Variants in PAIP1 observed in about 807,000 individuals in gnomAD.
PAIP1 encodes poly(A) binding protein interacting protein 1.
In PAIP1, 16 loss-of-function variants were observed where a neutral mutation model predicts 61.3. That is an observed-to-expected ratio of 0.26 (90% CI 0.18 to 0.40). The LOEUF is 0.40. Ranked by LOEUF, PAIP1 falls within the 10% of genes least tolerant of loss-of-function variation. The probability of loss-of-function intolerance (pLI) is 1.00; values close to 1 mark genes in which losing one functional copy is unlikely to be tolerated. For synonymous variants in PAIP1, 187 were observed against 226.2 expected, an observed-to-expected ratio of 0.83 and a Z score of 1.56; for missense variants, 416 against 600.9, an observed-to-expected ratio of 0.69 and a Z score of 3.22.
Position 43,544,082 on chromosome 5 carries a change from G to A in PAIP1, c.622-966C>T, listed in dbSNP as rs1747533206. 3.4e-5 allele frequency among the ~76,000 whole-genome samples: 5 copies of A among 147,966 alleles called. No homozygotes were observed. The South Asian group carries it at 1.1e-3, about 32-fold the overall frequency. On this transcript the variant is annotated intron_variant, in intron 3 of 10. Coordinates refer to ENST00000306846, the MANE Select transcript of PAIP1 (RefSeq NM_006451.5). ...CACTTGAGTGTAGGAGTTCAAGGCT[G>A]CAGTGAGCTGTGGTCACGCCACTGC...
chr5:43,545,895 G>A (rs1274130140), intron 3 of PAIP1, among the ~76,000 whole-genome samples: 6 of 151,760 alleles, frequency 4.0e-5, no homozygotes, highest in South Asian at 2.1e-4. Flanking sequence ...TCAGCCTCCC[G>A]AGTAGCTGGG....
intron 9 of PAIP1, 90 bp from the exon 10 acceptor site, chr5:43,529,969 T>C: frequency 1.4e-6 from 1 of 700,996 alleles, no homozygotes; most frequent in Admixed American, 2.2e-5. Context: ...ATATTATGAC[T>C]TTTGCCCCCC....
chr5:43,549,212 T>G (rs55667604), intron 2 of PAIP1, among the ~76,000 whole-genome samples: 73,994 of 152,032 alleles, frequency 0.49, 18,867 homozygotes, highest in Middle Eastern at 0.63. Context: ...AGTGCTGGGA[T>G]TACAGGCCAC....
At chr5:43,544,014 T>G (rs767400172) in intron 3 of PAIP1, among the ~76,000 whole-genome samples, 1 of 151,900 alleles carries the variant, frequency 6.6e-6, no homozygotes, top group Non-Finnish European at 1.5e-5. Context: ...CACGGTAGCA[T>G]GCACCGTAGT....
At position 43,526,571 on chromosome 5, in the gene PAIP1, C is replaced by T. The variant is rs1561225600; in HGVS notation, c.*805G>A. ...CCCTCAAGGTGTATCAATTATAAAG[C>T]AGATGAAAACTTGAATGACAAATAT... On this transcript the variant is annotated 3_prime_UTR_variant, in exon 11 of 11. Transcript: ENST00000306846. 6.7e-6 allele frequency: 1 copy of T among 149,056 alleles called. No individual in the cohort carries two copies. Among genetic ancestry groups the T allele is most frequent in the African/African-American group, 2.5e-5 (1 of 40,256 alleles). The allele number at this position is 149,056 out of a possible 1,614,324, so 9.2% of individuals were successfully genotyped here. A position where few individuals can be genotyped will look rare whatever the true frequency, so the allele number is the denominator to read the frequency against.
In PAIP1 at chr5:43,536,955, CA is replaced by C. The variant is rs766875925; in HGVS notation, c.847-12del. ...ATTTGTTCCCTTGATCTTTCGGGACCAAAAAAAAGAACAAAAGGAATGATGC... is the reference window on the plus strand; with the variant it reads ...ATTTGTTCCCTTGATCTTTCGGGACCAAAAAAAGAACAAAAGGAATGATGC... On this transcript the variant is annotated splice_polypyrimidine_tract_variant and intron_variant, in intron 5 of 10. Transcript: ENST00000306846. 2.2e-4 allele frequency: 336 copies of C among 1,538,258 alleles called. No individual in the cohort carries two copies. Among genetic ancestry groups the C allele is most frequent in the South Asian group, 4.0e-4 (32 of 80,558 alleles).
chr5:43,533,877 C>A (rs1226371843), intron 8 of PAIP1, 85 bp from the exon 9 acceptor site: 4 of 811,730 alleles, frequency 4.9e-6, no homozygotes, highest in Non-Finnish European at 8.7e-6. Context: ...GCTGATGTCA[C>A]CCGTCTGCAC....
intron 3 of PAIP1, among the ~76,000 whole-genome samples, chr5:43,546,243 G>C (rs764072842): frequency 2.0e-5 from 3 of 152,220 alleles, no homozygotes; most frequent in African/African-American, 4.8e-5. Flanking sequence ...AGAAATAGTT[G>C]ACGCTTATCA....
chr5:43,527,564 A>G, intron 10 of PAIP1, 95 bp from the exon 11 acceptor site: 1 of 1,124,690 alleles, frequency 8.9e-7, no homozygotes, highest in Non-Finnish European at 1.3e-6. Flanking sequence ...CAACTTTCCT[A>G]GACTGACTTA....
intron 3 of PAIP1, 127 bp downstream of exon 3, chr5:43,547,601 C>G: frequency 1.6e-6 from 1 of 633,458 alleles, no homozygotes; most frequent in Non-Finnish European, 2.8e-6. Context: ...CTTAGAACTC[C>G]CGGAAACTAT....
chr5:43,556,183 T>G, intron 1 of PAIP1, 184 bp from the exon 2 acceptor site: 2 of 1,388,890 alleles, frequency 1.4e-6, no homozygotes, highest in South Asian at 1.8e-5. Flanking sequence ...AGACTTGCTG[T>G]GACTCCGTTA....
At chr5:43,539,469 A>G (rs932677554) in intron 4 of PAIP1, among the ~76,000 whole-genome samples, 5 of 151,792 alleles carry the variant, frequency 3.3e-5, no homozygotes, top group African/African-American at 1.2e-4. Context: ...ACACACACAC[A>G]CACACACACA....
chr5:43,547,504 A>G (rs936772499), intron 3 of PAIP1, among the ~76,000 whole-genome samples: 3 of 152,144 alleles, frequency 2.0e-5, no homozygotes, highest in Non-Finnish European at 4.4e-5. Flanking sequence ...TATTACCTAT[A>G]TTGAATCTTG....
intron 9 of PAIP1, among the ~76,000 whole-genome samples, chr5:43,531,610 T>C (rs1441952357): frequency 2.3e-5 from 3 of 131,298 alleles, no homozygotes; most frequent in South Asian, 5.1e-4. Context: ...TAAGCCGAGG[T>C]TGCATCACCG....
At chr5:43,530,210 G>A (rs1307512991) in intron 9 of PAIP1, among the ~76,000 whole-genome samples, 1 of 152,170 alleles carries the variant, frequency 6.6e-6, no homozygotes, top group East Asian at 1.9e-4. Flanking sequence ...TCCTCCACAA[G>A]GAAGTAAAGA....
In PAIP1 at chr5:43,532,192, G is replaced by A. The variant is rs1579906885; in HGVS notation, c.1252+1546C>T. On this transcript the variant is annotated intron_variant, in intron 9 of 10. Transcript: ENST00000306846. ...GTACTAGAAACAATTAAACAGGTTAGAAAAAATAAAAAACAAATAATCAAA... is the reference window on the plus strand; with the variant it reads ...GTACTAGAAACAATTAAACAGGTTAAAAAAAATAAAAAACAAATAATCAAA... 2.0e-5 allele frequency among the ~76,000 whole-genome samples: 3 copies of A among 151,890 alleles called. No individual in the cohort carries two copies. In the South Asian group the frequency reaches 6.2e-4, roughly 31 times the overall value.
chr5:43,547,428 G>A (rs539284582), intron 3 of PAIP1, among the ~76,000 whole-genome samples: 2 of 152,180 alleles, frequency 1.3e-5, no homozygotes, highest in Admixed American at 6.5e-5. Context: ...TGTAGCCTTC[G>A]TTTTCAGTGC....
chr5:43,532,445 C>T (rs1164935510), intron 9 of PAIP1, among the ~76,000 whole-genome samples: 2 of 152,050 alleles, frequency 1.3e-5, no homozygotes, highest in East Asian at 3.9e-4. Context: ...GGCTTAATAC[C>T]AATTGTTGAG....
intron 4 of PAIP1, among the ~76,000 whole-genome samples, chr5:43,540,347 G>A (rs1267685010): frequency 6.6e-6 from 1 of 151,992 alleles, no homozygotes; most frequent in Admixed American, 6.6e-5. Flanking sequence ...CCTGTTGGCT[G>A]CTTTTCTGTT....
Sources: allele counts gnomAD v4.1 joint callset (sites outside exome capture counted in the v4.1 genomes callset), GRCh38; gene constraint gnomAD v4.1.1; transcripts MANE v1.5; gene names NCBI Gene and HGNC (gene_info 2026-07-23, HGNC 2026-07-21).